MTHFD1L: variants seen among roughly 807,000 people sequenced by gnomAD.
MTHFD1L encodes monofunctional C1-tetrahydrofolate synthase, mitochondrial.
MTHFD1L carries 81 observed loss-of-function variants against 119.5 expected under a neutral mutation model. The ratio of observed to expected loss-of-function variants is 0.68; its 90% CI spans 0.57 to 0.82. MTHFD1L has a LOEUF of 0.82. Ranked by LOEUF, MTHFD1L falls within the 40% of genes least tolerant of loss-of-function variation. MTHFD1L has a pLI of 0.00. For missense variants in MTHFD1L, 1,125 were observed against 1,253.4 expected (o/e 0.90, Z 1.55); for synonymous variants, 430 against 475.2 (o/e 0.90, Z 1.24).
intron 26 of MTHFD1L, among the ~76,000 whole-genome samples, chr6:151,055,403 T>C (rs1236079903): frequency 7.2e-5 from 11 of 152,232 alleles, no homozygotes; most frequent in Admixed American, 5.9e-4. Context: ...ATCTCGGTTT[T>C]ACATGCAAGG....
At chr6:151,015,364 A>T in intron 23 of MTHFD1L, 152 bp from the exon 24 acceptor site, 2 of 850,226 alleles carry the variant, frequency 2.4e-6, no homozygotes, top group Non-Finnish European at 3.5e-6. Context: ...TCCATGCTTT[A>T]AGTCTGATTT....
chr6:151,100,448 C>T (rs1333419697), intron 27 of MTHFD1L, among the ~76,000 whole-genome samples: 1 of 152,098 alleles, frequency 6.6e-6, no homozygotes, highest in African/African-American at 2.4e-5. Context: ...AGAAACTAAC[C>T]AAGCACCTTA....
chr6:151,007,526 C>T (rs538659356), intron 20 of MTHFD1L, among the ~76,000 whole-genome samples: 27 of 152,252 alleles, frequency 1.8e-4, no homozygotes, highest in Non-Finnish European at 2.5e-4. Context: ...GTACCTGTGC[C>T]GTCTCACTTA....
intron 20 of MTHFD1L, among the ~76,000 whole-genome samples, chr6:150,994,186 T>C (rs1166695585): frequency 6.6e-6 from 1 of 152,000 alleles, no homozygotes; most frequent in Non-Finnish European, 1.5e-5. Context: ...AACTCCTTGA[T>C]CATCATGGGT....
intron 20 of MTHFD1L, among the ~76,000 whole-genome samples, chr6:150,976,230 C>A (rs913976800): frequency 6.6e-6 from 1 of 152,116 alleles, no homozygotes; most frequent in African/African-American, 2.4e-5. Context: ...GAAGCAGCTT[C>A]GCATGCTCTT....
At chr6:150,919,979 C>T (rs757032639) in intron 9 of MTHFD1L, among the ~76,000 whole-genome samples, 2 of 152,194 alleles carry the variant, frequency 1.3e-5, no homozygotes, top group Non-Finnish European at 1.5e-5. Flanking sequence ...AGATGGCATA[C>T]TCACATGGCT....
At chr6:150,939,739 C>T (rs1022341222) in intron 13 of MTHFD1L, among the ~76,000 whole-genome samples, 1 of 136,708 alleles carries the variant, frequency 7.3e-6, no homozygotes, top group African/African-American at 2.9e-5. Flanking sequence ...GGCTGGAGTG[C>T]AGTGGCACAG....
chr6:151,046,905 A>G (rs1489285239), intron 26 of MTHFD1L, among the ~76,000 whole-genome samples: 1 of 152,220 alleles, frequency 6.6e-6, no homozygotes. Flanking sequence ...AAAAGGGTCA[A>G]GCTTTAAAAC....
At chr6:151,080,303 G>T (rs990376318) in intron 26 of MTHFD1L, among the ~76,000 whole-genome samples, 2 of 152,164 alleles carry the variant, frequency 1.3e-5, no homozygotes, top group Admixed American at 1.3e-4. Flanking sequence ...TTTGGTCCAC[G>T]TTTTTTTCTC....
At chr6:150,914,029 C>T (rs937679027) in intron 8 of MTHFD1L, among the ~76,000 whole-genome samples, 1 of 152,208 alleles carries the variant, frequency 6.6e-6, no homozygotes. Context: ...ACATGGGAGG[C>T]AGAGGCAGAA....
chr6:150,872,740 A>C (rs1216222414), intron 1 of MTHFD1L, among the ~76,000 whole-genome samples: 1 of 152,162 alleles, frequency 6.6e-6, no homozygotes, highest in Non-Finnish European at 1.5e-5. Context: ...TTGTAGAAAA[A>C]CACAGTATCT....
At chr6:150,866,154 G>A in intron 1 of MTHFD1L, 105 bp downstream of exon 1, 1 of 1,400,670 alleles carries the variant, frequency 7.1e-7, no homozygotes, top group Non-Finnish European at 9.3e-7. Context: ...GGGGCTGCGA[G>A]TGTTTGGTGC....
At chr6:150,986,608 G>A (rs1407457019) in intron 20 of MTHFD1L, among the ~76,000 whole-genome samples, 3 of 152,228 alleles carry the variant, frequency 2.0e-5, no homozygotes, top group Non-Finnish European at 4.4e-5. Flanking sequence ...TCTGACAGGA[G>A]GTGGAGCTCA....
chr6:151,028,584 G>A (rs141114600), intron 24 of MTHFD1L, among the ~76,000 whole-genome samples: 1 of 152,146 alleles, frequency 6.6e-6, no homozygotes, highest in African/African-American at 2.4e-5. Flanking sequence ...GATTCCACTT[G>A]TAGGGGCCTG....
chr6:150,961,099 T>C (rs1796373914), intron 18 of MTHFD1L, among the ~76,000 whole-genome samples: 1 of 149,106 alleles, frequency 6.7e-6, no homozygotes, highest in African/African-American at 2.5e-5. Context: ...CTTTTTTTTT[T>C]TTTTTTTTTT....
At chr6:151,058,973 G>A (rs1232530909) in intron 26 of MTHFD1L, among the ~76,000 whole-genome samples, 1 of 152,120 alleles carries the variant, frequency 6.6e-6, no homozygotes, top group Admixed American at 6.5e-5. Context: ...ACCGCACCTG[G>A]CCCACAGAGC....
intron 24 of MTHFD1L, among the ~76,000 whole-genome samples, chr6:151,026,820 CTTTTTTT>C (rs1158007442): frequency 2.3e-4 from 12 of 51,282 alleles, no homozygotes; most frequent in African/African-American, 9.3e-4. Context: ...CCTTTCTATC[CTTTTTTT>C]TTTTTTTTTT....
chr6:150,873,113 G>A (rs1374357153), intron 1 of MTHFD1L, among the ~76,000 whole-genome samples: 4 of 152,022 alleles, frequency 2.6e-5, no homozygotes, highest in African/African-American at 4.8e-5. Flanking sequence ...TCAAGAGATC[G>A]AGACCACCCT....
intron 15 of MTHFD1L, among the ~76,000 whole-genome samples, chr6:150,945,879 C>T (rs1443998699): frequency 3.3e-5 from 5 of 152,012 alleles, no homozygotes; most frequent in South Asian, 2.1e-4. Context: ...ACCTGTAGTC[C>T]GAGCTACTCA....
Sources: allele counts gnomAD v4.1 joint callset (sites outside exome capture counted in the v4.1 genomes callset), GRCh38; gene constraint gnomAD v4.1.1; transcripts MANE v1.5; gene names NCBI Gene and HGNC (gene_info 2026-07-23, HGNC 2026-07-21).